The following SORCS3 variants were observed in gnomAD, a reference collection of about 807,000 sequenced individuals.
SORCS3 encodes the protein sortilin related VPS10 domain containing receptor 3.
In SORCS3, 57 loss-of-function variants were observed where a neutral mutation model predicts 146.3. The observed-to-expected ratio is 0.39, with a 90% CI of 0.31 to 0.49. The LOEUF (loss-of-function observed/expected upper bound fraction) is 0.49, where lower values mean the gene tolerates loss of function less well. SORCS3 is among the 20% of genes least tolerant of loss of function. The probability of loss-of-function intolerance (pLI) is 0.92; values close to 1 mark genes in which losing one functional copy is unlikely to be tolerated. For missense variants in SORCS3, 1,341 were observed against 1,575.5 expected (o/e 0.85, Z 2.52); for synonymous variants, 653 against 618.5 (o/e 1.06, Z -0.83).
Position 104,689,686 on chromosome 10 carries a change from C to T in SORCS3, c.627+47732C>T, listed in dbSNP as rs558262929. Among the ~76,000 whole-genome samples the T allele has an allele frequency of 7.9e-5, 12 of 152,202 alleles. No individual in the cohort carries two copies. The South Asian group carries it at 2.5e-3, about 32-fold the overall frequency. ...CCTTTTTTTTCATTTTGTCAGTCTT[C>T]ACCACTGGATGATAACATCTTGCAG... On this transcript the variant is annotated intron_variant, in intron 1 of 26. Coordinates refer to ENST00000369701, the MANE Select transcript of SORCS3 (RefSeq NM_014978.3).
chr10:105,160,222 T>C (rs1025713633), intron 11 of SORCS3, among the ~76,000 whole-genome samples: 6 of 152,224 alleles, frequency 3.9e-5, no homozygotes, highest in South Asian at 4.1e-4. Context: ...AGCCAGGCAT[T>C]GTTCTTTGTG....
At chr10:105,240,869 T>C (rs1255220723) in intron 20 of SORCS3, among the ~76,000 whole-genome samples, 1 of 152,018 alleles carries the variant, frequency 6.6e-6, no homozygotes, top group Non-Finnish European at 1.5e-5. Flanking sequence ...TTTTTCATCA[T>C]AAATTAGATT....
chr10:104,953,765 G>T (rs966318573), intron 3 of SORCS3, among the ~76,000 whole-genome samples: 3 of 152,188 alleles, frequency 2.0e-5, no homozygotes, highest in African/African-American at 7.2e-5. Context: ...CATCTACAAT[G>T]TACCAGACAT....
intron 1 of SORCS3, among the ~76,000 whole-genome samples, chr10:104,783,862 A>G (rs2017402509): frequency 6.6e-6 from 1 of 152,236 alleles, no homozygotes; most frequent in Non-Finnish European, 1.5e-5. Flanking sequence ...TGTTTGCCCT[A>G]GAGGTGTATT....
chr10:104,892,424 T>A (rs2018757815), intron 2 of SORCS3, among the ~76,000 whole-genome samples: 1 of 152,190 alleles, frequency 6.6e-6, no homozygotes, highest in East Asian at 1.9e-4. Flanking sequence ...GCAAAGGCCA[T>A]GGTTAAATAG....
chr10:104,904,796 T>C (rs1696744352), intron 2 of SORCS3, among the ~76,000 whole-genome samples: 1 of 152,020 alleles, frequency 6.6e-6, no homozygotes, highest in African/African-American at 2.4e-5. Context: ...ATTATTTTTT[T>C]TTTAATTTAA....
chr10:104,804,200 T>G (rs1009936098), intron 1 of SORCS3, among the ~76,000 whole-genome samples: 1 of 152,212 alleles, frequency 6.6e-6, no homozygotes, highest in Non-Finnish European at 1.5e-5. Context: ...ATCTCTAGAA[T>G]GCGAATTTTG....
At chr10:104,836,059 A>G (rs1453133064) in intron 1 of SORCS3, among the ~76,000 whole-genome samples, 1 of 152,158 alleles carries the variant, frequency 6.6e-6, no homozygotes, top group Non-Finnish European at 1.5e-5. Flanking sequence ...CATTCTTTCC[A>G]TGTGGCCTTG....
chr10:104,840,788 G>T (rs1169274711), intron 1 of SORCS3, among the ~76,000 whole-genome samples: 3 of 152,096 alleles, frequency 2.0e-5, no homozygotes, highest in Non-Finnish European at 2.9e-5. Context: ...TGCCCTGAAG[G>T]CTTGATGTTG....
Position 105,264,006 on chromosome 10 carries a change from G to C in SORCS3, c.*632G>C, listed in dbSNP as rs150249431. 1.3e-5 allele frequency: 2 copies of C among 152,466 alleles called. No individual in the cohort carries two copies. The highest frequency in any genetic ancestry group is 2.9e-5 in the Non-Finnish European group (2 of 68,194). The allele number at this position is 152,466 out of a possible 1,614,324, so 9.4% of individuals were successfully genotyped here. A position where few individuals can be genotyped will look rare whatever the true frequency, so the allele number is the denominator to read the frequency against. ...AAGAAAGATGCGTGTGTTGGCTTAC[G>C]CACTGGCCCTCAGAGCTGACCAACC... On this transcript the variant is annotated 3_prime_UTR_variant, in exon 27 of 27. Transcript: ENST00000369701.
At chr10:104,727,694 G>A (rs1656171620) in intron 1 of SORCS3, among the ~76,000 whole-genome samples, 1 of 152,094 alleles carries the variant, frequency 6.6e-6, no homozygotes, top group Non-Finnish European at 1.5e-5. Context: ...ACCAGTATCA[G>A]TCCGTGGCCT....
chr10:104,791,980 G>C (rs971713174), intron 1 of SORCS3, among the ~76,000 whole-genome samples: 1 of 152,172 alleles, frequency 6.6e-6, no homozygotes, highest in African/African-American at 2.4e-5. Context: ...GGTGGTCATA[G>C]CTGATATTTA....
chr10:104,982,620 A>C (rs1006498174), intron 4 of SORCS3, among the ~76,000 whole-genome samples: 3 of 152,202 alleles, frequency 2.0e-5, no homozygotes, highest in African/African-American at 7.2e-5. Context: ...AAAATGATTT[A>C]TATATAATTT....
chr10:105,023,883 G>T (rs28437419), intron 4 of SORCS3, among the ~76,000 whole-genome samples: 7,134 of 152,050 alleles, frequency 0.047, 535 homozygotes, highest in African/African-American at 0.16. Flanking sequence ...ATAGGGATAG[G>T]ATGGTGGGGA....
At chr10:104,859,598 C>T (rs573003470) in intron 2 of SORCS3, among the ~76,000 whole-genome samples, 1 of 152,298 alleles carries the variant, frequency 6.6e-6, no homozygotes, top group South Asian at 2.1e-4. Flanking sequence ...AGCTTCTGCA[C>T]AGCAAAAGAA....
intron 2 of SORCS3, among the ~76,000 whole-genome samples, chr10:104,907,826 C>G (rs1249824652): frequency 6.6e-6 from 1 of 152,214 alleles, no homozygotes; most frequent in Non-Finnish European, 1.5e-5. Context: ...GCAATACCCA[C>G]TTGGAGAATG....
intron 3 of SORCS3, among the ~76,000 whole-genome samples, chr10:104,949,957 A>G (rs1424329793): frequency 2.0e-5 from 3 of 152,238 alleles, no homozygotes; most frequent in Non-Finnish European, 1.5e-5. Flanking sequence ...TTGATTTACA[A>G]TAAGTTTAAT....
intron 5 of SORCS3, among the ~76,000 whole-genome samples, chr10:105,073,527 T>G: frequency 6.6e-6 from 1 of 152,296 alleles, no homozygotes; most frequent in Non-Finnish European, 1.5e-5. Context: ...CCTTGGGCTG[T>G]TTTTGGCTGT....
At chr10:105,057,314 A>G (rs954066624) in intron 5 of SORCS3, among the ~76,000 whole-genome samples, 2 of 152,188 alleles carry the variant, frequency 1.3e-5, no homozygotes, top group Non-Finnish European at 2.9e-5. Context: ...AAGACCATTC[A>G]TTAAAGAAGC....
Sources: allele counts gnomAD v4.1 joint callset (sites outside exome capture counted in the v4.1 genomes callset), GRCh38; gene constraint gnomAD v4.1.1; transcripts MANE v1.5; gene names NCBI Gene and HGNC (gene_info 2026-07-23, HGNC 2026-07-21).